The following ERH variants were observed in gnomAD, a reference collection of about 807,000 sequenced individuals.
ERH encodes enhancer of rudimentary homolog.
ERH carries 1 observed loss-of-function variant against 16.8 expected under a neutral mutation model. The ratio of observed to expected loss-of-function variants is 0.06; its 90% CI spans 0.02 to 0.28. The LOEUF (loss-of-function observed/expected upper bound fraction) is 0.28, where lower values mean the gene tolerates loss of function less well. Among genes scored for constraint, ERH ranks in the 10% least tolerant of loss-of-function variants. The pLI is 1.00. For missense variants in ERH, 42 were observed against 127.5 expected (o/e 0.33, Z 3.23); for synonymous variants, 43 against 43.6 (o/e 0.99, Z 0.05).
At chr14:69,398,191 C>T (rs1346868487) in intron 1 of ERH, 40 bp downstream of exon 1, 2 of 1,613,618 alleles carry the variant, frequency 1.2e-6, no homozygotes, top group South Asian at 1.1e-5. Flanking sequence ...CTCTGGAGGC[C>T]GGGGACTCGG....
At chr14:69,397,819 G>A (rs1004386311) in intron 1 of ERH, among the ~76,000 whole-genome samples, 2 of 152,214 alleles carry the variant, frequency 1.3e-5, no homozygotes, top group African/African-American at 4.8e-5. Flanking sequence ...TAGGGAGGCT[G>A]AGACAGGAGA....
At chr14:69,389,600 T>C (rs573244182) in intron 2 of ERH, among the ~76,000 whole-genome samples, 9 of 152,316 alleles carry the variant, frequency 5.9e-5, no homozygotes, top group African/African-American at 2.2e-4. Flanking sequence ...TTGCAGGATA[T>C]AGGATTGGTA....
chr14:69,388,261 A>G (rs552877700), intron 2 of ERH, among the ~76,000 whole-genome samples: 73 of 152,242 alleles, frequency 4.8e-4, no homozygotes, highest in Admixed American at 8.5e-4. Context: ...TAAATATAAT[A>G]AAAAAGATAA....
At chr14:69,387,771 A>G (rs1200675150) in intron 2 of ERH, among the ~76,000 whole-genome samples, 3 of 150,926 alleles carry the variant, frequency 2.0e-5, no homozygotes, top group Non-Finnish European at 3.0e-5. Context: ...TAGGCCGGGC[A>G]CAGTGGCTCA....
At chr14:69,382,789 C>CAAAAAAAAAAAAAAAAAAAAAAAAAAAAA (rs1278831093) in intron 3 of ERH, among the ~76,000 whole-genome samples, 2 of 103,132 alleles carry the variant, frequency 1.9e-5, no homozygotes, top group African/African-American at 7.4e-5. Context: ...ACTCTATCTC[C>CAAAAAAAAAAAAAAAAAAAAAAAAAAAAA]AAAAGAAAAA....
intron 2 of ERH, among the ~76,000 whole-genome samples, chr14:69,392,251 C>T (rs1882235411): frequency 6.6e-6 from 1 of 151,230 alleles, no homozygotes; most frequent in African/African-American, 2.4e-5. Flanking sequence ...TTGGCAACCA[C>T]ATCATGTGAG....
intron 1 of ERH, 64 bp downstream of exon 1, chr14:69,398,167 T>TG (rs1882415396): frequency 1.9e-6 from 3 of 1,604,844 alleles, no homozygotes; most frequent in Non-Finnish European, 2.6e-6. Flanking sequence ...GGAAAACGTA[T>TG]GGGGCTGGGG....
chr14:69,380,994 A>C (rs2045860253), intron 3 of ERH, among the ~76,000 whole-genome samples: 1 of 152,196 alleles, frequency 6.6e-6, no homozygotes, highest in African/African-American at 2.4e-5. Flanking sequence ...ACAACAACAA[A>C]AAAATTGGCT....
In ERH at chr14:69,380,474, T is replaced by C; in HGVS notation, c.*64A>G. The C allele has an allele frequency of 1.1e-6, 1 of 895,006 alleles. No homozygotes were observed. Among genetic ancestry groups the C allele is most frequent in the South Asian group, 1.4e-5 (1 of 73,664 alleles). 55.4% of individuals were successfully genotyped at this position (895,006 alleles called of 1,614,324 possible). ...GATTACTATGATACAAAACTTCCAC[T>C]ACAGCACGCTGTACACACCTGTGTT... On this transcript the variant is annotated 3_prime_UTR_variant, in exon 4 of 4. Coordinates refer to ENST00000557016, the MANE Select transcript of ERH (RefSeq NM_004450.3).
intron 1 of ERH, chr14:69,397,896 C>A (rs1008043318): frequency 2.2e-6 from 1 of 464,884 alleles, no homozygotes; most frequent in Non-Finnish European, 3.9e-6. Flanking sequence ...CCAGCCTGGG[C>A]GATAGAGTGA....
chr14:69,389,009 T>C lies in ERH; in HGVS notation c.92-1926A>G, dbSNP rs376374715. On this transcript the variant is annotated intron_variant, in intron 2 of 3. Transcript: ENST00000557016. Reference sequence around the variant, plus strand: ...TAAATTCGTATATGTTAAAAAGGCATTGACCCACAGTTATACTTTTTTTTT... The same window carrying C: ...TAAATTCGTATATGTTAAAAAGGCACTGACCCACAGTTATACTTTTTTTTT... 4.6e-5 allele frequency among the ~76,000 whole-genome samples: 7 copies of C among 152,256 alleles called. No individual in the cohort carries two copies. In the East Asian group the frequency reaches 7.7e-4, roughly 17 times the overall value.
intron 3 of ERH, 96 bp downstream of exon 3, chr14:69,386,867 C>T: frequency 2.7e-6 from 3 of 1,123,728 alleles, no homozygotes; most frequent in Non-Finnish European, 3.9e-6. Flanking sequence ...AGATCAGTAT[C>T]AGGCACATAA....
chr14:69,389,185 C>A (rs2045909801), intron 2 of ERH, among the ~76,000 whole-genome samples: 1 of 152,088 alleles, frequency 6.6e-6, no homozygotes, highest in African/African-American at 2.4e-5. Flanking sequence ...TGCCACCACA[C>A]CCGGCTAATT....
At chr14:69,386,675 G>GAA in intron 3 of ERH, 4 of 234,092 alleles carry the variant, frequency 1.7e-5, no homozygotes, top group South Asian at 1.5e-4. Flanking sequence ...GACTGTAAAG[G>GAA]AAAAAAAAAA....
At position 69,392,155 on chromosome 14, in the gene ERH, A is replaced by T. The variant is rs116775934; in HGVS notation, c.91+2670T>A. The stretch of plus-strand genomic sequence containing the variant: ...AAATAAAGTCTTTAACTGCTCTTAA[A>T]AAAAAGGGGGGAGGAAAAAAATGCT... On this transcript the variant is annotated intron_variant, in intron 2 of 3. Transcript: ENST00000557016. Among the ~76,000 whole-genome samples, 466 of 149,040 alleles carry T rather than the reference A, an allele frequency of 3.1e-3. 3 individuals carry two copies. Among genetic ancestry groups the T allele is most frequent in the African/African-American group, 0.011 (452 of 41,026 alleles).
chr14:69,386,794 T>C, intron 3 of ERH, 169 bp downstream of exon 3: 1 of 547,818 alleles, frequency 1.8e-6, no homozygotes, highest in Middle Eastern at 5.2e-4. Context: ...CCTTTGGCTT[T>C]ATGTTGCCAA....
chr14:69,383,779 A>G (rs2045876480), intron 3 of ERH, among the ~76,000 whole-genome samples: 1 of 152,202 alleles, frequency 6.6e-6, no homozygotes, highest in South Asian at 2.1e-4. Context: ...CTTTCCCCCT[A>G]TGTTGCTTTA....
chr14:69,392,047 G>T (rs576418598), intron 2 of ERH, among the ~76,000 whole-genome samples: 1 of 152,152 alleles, frequency 6.6e-6, no homozygotes, highest in South Asian at 2.1e-4. Context: ...CTAAGAAGGG[G>T]AGGAAAGAAG....
intron 1 of ERH, 59 bp downstream of exon 1, chr14:69,398,172 C>CT: frequency 6.2e-7 from 1 of 1,608,752 alleles, no homozygotes; most frequent in Non-Finnish European, 8.5e-7. Context: ...ACGTATGGGG[C>CT]TGGGGTCGCT....
Sources: allele counts gnomAD v4.1 joint callset (sites outside exome capture counted in the v4.1 genomes callset), GRCh38; gene constraint gnomAD v4.1.1; transcripts MANE v1.5; gene names NCBI Gene and HGNC (gene_info 2026-07-23, HGNC 2026-07-21).